Variants in ZBTB44 observed in about 807,000 individuals in gnomAD.
The protein encoded by ZBTB44 is zinc finger and BTB domain containing 44.
In ZBTB44, 15 loss-of-function variants were observed where a neutral mutation model predicts 54.0. The observed-to-expected ratio is 0.28, with a 90% CI of 0.19 to 0.43. The LOEUF is 0.43. ZBTB44 is among the 20% of genes least tolerant of loss of function. The pLI is 1.00. For synonymous variants in ZBTB44, 230 were observed against 250.1 expected (o/e 0.92, Z 0.76); for missense variants, 487 against 707.1 (o/e 0.69, Z 3.53).
chr11:130,294,611 T>C (rs1463534247), intron 1 of ZBTB44, among the ~76,000 whole-genome samples: 1 of 151,286 alleles, frequency 6.6e-6, no homozygotes, highest in East Asian at 1.9e-4. Context: ...ATTATGTTGT[T>C]GTTTATAATA....
intron 1 of ZBTB44, among the ~76,000 whole-genome samples, chr11:130,313,243 C>T (rs1942730432): frequency 6.6e-6 from 1 of 152,150 alleles, no homozygotes; most frequent in African/African-American, 2.4e-5. Context: ...TTTGTCACTT[C>T]TATAAAATTC....
In ZBTB44 at chr11:130,307,174, C is replaced by T. The variant is rs185739253; in HGVS notation, c.-57+7201G>A. On this transcript the variant is annotated intron_variant, in intron 1 of 7. Transcript: ENST00000357899. ...GTGTGGTGGCTAACGCTTGTAATCC[C>T]AGCACTTTGGGAGGCCAAGGTGGGC... Among the ~76,000 whole-genome samples the T allele has an allele frequency of 1.3e-3, 198 of 152,166 alleles. 1 individual carries two copies. The highest frequency in any genetic ancestry group is 4.6e-3 in the African/African-American group (189 of 41,534).
At chr11:130,310,135 T>C (rs1942503499) in intron 1 of ZBTB44, 1 of 152,016 alleles carries the variant, frequency 6.6e-6, no homozygotes, top group South Asian at 2.1e-4. Flanking sequence ...CTGGACAACA[T>C]AATGAGAATC....
At chr11:130,295,629 T>TA (rs1194088728) in intron 1 of ZBTB44, 10 of 860,616 alleles carry the variant, frequency 1.2e-5, no homozygotes, top group Admixed American at 2.4e-5. Context: ...AACTCTGAAG[T>TA]TAAAAAAAAA....
intron 5 of ZBTB44, chr11:130,236,239 T>C: frequency 7.8e-7 from 1 of 1,278,954 alleles, no homozygotes; most frequent in Non-Finnish European, 1.0e-6. Context: ...AAGGTAATTC[T>C]ATTATAAATT....
chr11:130,243,095 T>G (rs892590110), intron 2 of ZBTB44, among the ~76,000 whole-genome samples: 3 of 152,288 alleles, frequency 2.0e-5, no homozygotes, highest in Non-Finnish European at 4.4e-5. Context: ...GCTATGTCAC[T>G]TTTTATAGTT....
In ZBTB44 at chr11:130,295,138, G is replaced by A. The variant is rs569347099; in HGVS notation, c.-57+19237C>T. On this transcript the variant is annotated intron_variant, in intron 1 of 7. Coordinates refer to ENST00000357899, the MANE Select transcript of ZBTB44 (RefSeq NM_001301098.2). ...ATCAAGAAGCAGAAACTCAAACTGC[G>A]GCACCAGAACCTAAAGTTGCAGGGG... Among the ~76,000 whole-genome samples, 5 of 152,156 alleles carry A rather than the reference G, an allele frequency of 3.3e-5. No individual in the cohort carries two copies. In the South Asian group the frequency reaches 6.2e-4, roughly 19 times the overall value.
chr11:130,286,920 T>C (rs1410918085), intron 1 of ZBTB44, among the ~76,000 whole-genome samples: 1 of 152,174 alleles, frequency 6.6e-6, no homozygotes, highest in Non-Finnish European at 1.5e-5. Flanking sequence ...GCAGCAGTGA[T>C]TAACAGATAA....
intron 1 of ZBTB44, among the ~76,000 whole-genome samples, chr11:130,287,965 C>CAA (rs535420591): frequency 0.023 from 1,948 of 86,440 alleles, 32 homozygotes; most frequent in African/African-American, 0.057. Flanking sequence ...TTTTCTCAGA[C>CAA]AAAAAAAAAA....
intron 1 of ZBTB44, among the ~76,000 whole-genome samples, chr11:130,272,976 A>C (rs1368597350): frequency 6.6e-6 from 1 of 152,214 alleles, no homozygotes; most frequent in Non-Finnish European, 1.5e-5. Flanking sequence ...TTTTGAAGTC[A>C]AGAAGCTGAG....
intron 1 of ZBTB44, among the ~76,000 whole-genome samples, chr11:130,276,058 T>C (rs1940042251): frequency 6.6e-6 from 1 of 150,844 alleles, no homozygotes; most frequent in Non-Finnish European, 1.5e-5. Flanking sequence ...AAACCCCGTC[T>C]CTACTAAAAA....
In ZBTB44 at chr11:130,288,401, T is replaced by A. The variant is rs569348287; in HGVS notation, c.-57+25974A>T. 7.4e-3 allele frequency among the ~76,000 whole-genome samples: 1,116 copies of A among 150,526 alleles called. 19 individuals are homozygous for A. Among genetic ancestry groups the A allele is most frequent in the African/African-American group, 0.026 (1,057 of 40,468 alleles). On this transcript the variant is annotated intron_variant, in intron 1 of 7. Coordinates refer to ENST00000357899, the MANE Select transcript of ZBTB44 (RefSeq NM_001301098.2). ...GAAAAAAATAAATAAATAAATAAAA[T>A]AAAATAAAAAAATAACATTTCAAGT...
At chr11:130,257,673 G>A (rs1938552762) in intron 2 of ZBTB44, among the ~76,000 whole-genome samples, 2 of 152,122 alleles carry the variant, frequency 1.3e-5, no homozygotes, top group African/African-American at 4.8e-5. Context: ...CATTCAGTTT[G>A]CGGTACTTTG....
Position 130,300,501 on chromosome 11 carries a change from A to T in ZBTB44, c.-57+13874T>A, listed in dbSNP as rs143765844. 6.2e-3 allele frequency among the ~76,000 whole-genome samples: 941 copies of T among 152,336 alleles called. 10 individuals carry two copies. The highest frequency in any genetic ancestry group is 0.021 in the African/African-American group (884 of 41,574). ...TTGGTTCTCTGAAAAAAATAAGCAA[A>T]ATTGATAAACCTTTAGCTAGACCAA... On this transcript the variant is annotated intron_variant, in intron 1 of 7. Coordinates refer to ENST00000357899, the MANE Select transcript of ZBTB44 (RefSeq NM_001301098.2).
At chr11:130,308,906 C>T (rs995828727) in intron 1 of ZBTB44, among the ~76,000 whole-genome samples, 3 of 152,068 alleles carry the variant, frequency 2.0e-5, no homozygotes, top group East Asian at 1.9e-4. Context: ...AGGAGTCAGG[C>T]GGGTGGGAAA....
intron 2 of ZBTB44, among the ~76,000 whole-genome samples, chr11:130,244,992 C>T (rs1032982487): frequency 6.6e-6 from 1 of 152,182 alleles, no homozygotes; most frequent in African/African-American, 2.4e-5. Context: ...ATGAAGGACA[C>T]CATATAGAAC....
At chr11:130,271,213 ATT>A (rs1429625261) in intron 1 of ZBTB44, among the ~76,000 whole-genome samples, 1 of 152,222 alleles carries the variant, frequency 6.6e-6, no homozygotes, top group African/African-American at 2.4e-5. Flanking sequence ...AAAAGTTGCA[ATT>A]TGAGTTTACA....
chr11:130,301,206 G>C (rs979142152), intron 1 of ZBTB44, among the ~76,000 whole-genome samples: 3 of 152,280 alleles, frequency 2.0e-5, no homozygotes, highest in South Asian at 4.1e-4. Context: ...AGGAAAGAAA[G>C]AGTACAGCTA....
At chr11:130,291,809 T>C (rs1040115919) in intron 1 of ZBTB44, among the ~76,000 whole-genome samples, 3 of 152,228 alleles carry the variant, frequency 2.0e-5, no homozygotes, top group Admixed American at 2.0e-4. Flanking sequence ...ATGAATGCTT[T>C]CCTGATATAA....
Sources: allele counts gnomAD v4.1 joint callset (sites outside exome capture counted in the v4.1 genomes callset), GRCh38; gene constraint gnomAD v4.1.1; transcripts MANE v1.5; gene names NCBI Gene and HGNC (gene_info 2026-07-23, HGNC 2026-07-21).